The following TUSC3 variants were observed in gnomAD, a reference collection of about 807,000 sequenced individuals.
TUSC3 encodes the protein dolichyl-diphosphooligosaccharide--protein glycosyltransferase subunit TUSC3.
A neutral mutation model predicts 44.8 loss-of-function variants in TUSC3; 45 were observed. The observed-to-expected ratio is 1.00, with a 90% CI of 0.79 to 1.29. The LOEUF is 1.29. Among genes scored for constraint, TUSC3 ranks in the 50% most tolerant of loss-of-function variants. The pLI, the probability that TUSC3 is intolerant of heterozygous loss-of-function variation, is 0.00. For missense variants in TUSC3, 519 were observed against 437.9 expected, an observed-to-expected ratio of 1.19 and a Z score of -1.65; for synonymous variants, 212 against 152.9, an observed-to-expected ratio of 1.39 and a Z score of -2.85.
chr8:15,432,167 G>T (rs1799880838), intron 1 of TUSC3, among the ~76,000 whole-genome samples: 1 of 152,036 alleles, frequency 6.6e-6, no homozygotes, highest in Non-Finnish European at 1.5e-5. Flanking sequence ...TCATCTGGAA[G>T]AGTTGAGAAA....
At chr8:15,433,152 T>C (rs1253975548) in intron 1 of TUSC3, among the ~76,000 whole-genome samples, 3 of 152,156 alleles carry the variant, frequency 2.0e-5, no homozygotes, top group Non-Finnish European at 4.4e-5. Context: ...ATTTTTATTA[T>C]AATTTTTTAA....
intron 1 of TUSC3, among the ~76,000 whole-genome samples, chr8:15,437,063 T>C (rs1270539140): frequency 6.6e-6 from 1 of 152,088 alleles, no homozygotes; most frequent in Non-Finnish European, 1.5e-5. Flanking sequence ...TACTTAAAAG[T>C]TTAAAGGAAA....
chr8:15,635,752 A>G (rs907841628), intron 2 of TUSC3, among the ~76,000 whole-genome samples: 3 of 152,174 alleles, frequency 2.0e-5, no homozygotes, highest in Admixed American at 6.5e-5. Flanking sequence ...CCAATGTTTG[A>G]TAAGAGTCTC....
chr8:15,801,261 G>A, the TUSC3 span, among the ~76,000 whole-genome samples: 6 of 152,128 alleles, frequency 3.9e-5, no homozygotes, highest in African/African-American at 1.4e-4. Context: ...CATGGCATTT[G>A]TAATGGATAC....
chr8:15,581,971 C>T lies in TUSC3; in HGVS notation c.139-41109C>T, dbSNP rs540581911. 1.7e-3 allele frequency among the ~76,000 whole-genome samples: 252 copies of T among 151,268 alleles called. 3 individuals are homozygous for T. The highest frequency in any genetic ancestry group is 3.4e-3 in the African/African-American group (140 of 40,750). The stretch of plus-strand genomic sequence containing the variant: ...CTAGCAGTCAGCGAGATTCCGTGGG[C>T]GTAGGACCCTCTGAGCCAGGTGTGG... On this transcript the variant is annotated intron_variant, in intron 1 of 10. Transcript: ENST00000503731.
chr8:15,690,212 G>C (rs1269785990), intron 6 of TUSC3, among the ~76,000 whole-genome samples: 1 of 152,044 alleles, frequency 6.6e-6, no homozygotes, highest in Admixed American at 6.6e-5. Context: ...CATTCTGATT[G>C]GTGTGAGGTA....
At chr8:15,440,088 A>G (rs191638590) in intron 1 of TUSC3, among the ~76,000 whole-genome samples, 23 of 152,306 alleles carry the variant, frequency 1.5e-4, no homozygotes, top group Admixed American at 1.2e-3. Context: ...ATGTGTAACT[A>G]CAAGCTGAGA....
intron 3 of TUSC3, chr8:15,651,128 G>T: frequency 6.5e-6 from 2 of 309,972 alleles, no homozygotes; most frequent in South Asian, 3.4e-5. Flanking sequence ...CATTGTACAG[G>T]TTTTTGCCAT....
chr8:15,795,465 T>C, the TUSC3 span, among the ~76,000 whole-genome samples: 3 of 152,182 alleles, frequency 2.0e-5, no homozygotes, highest in African/African-American at 7.2e-5. Context: ...TGCCCACACG[T>C]TGCACATTAA....
intron 1 of TUSC3, among the ~76,000 whole-genome samples, chr8:15,467,429 G>A (rs949902206): frequency 6.6e-6 from 1 of 152,096 alleles, no homozygotes; most frequent in South Asian, 2.1e-4. Context: ...ATCAATTGCA[G>A]TAAATTATAC....
intron 10 of TUSC3, among the ~76,000 whole-genome samples, chr8:15,762,505 T>C (rs1812202498): frequency 6.6e-6 from 1 of 152,084 alleles, no homozygotes; most frequent in African/African-American, 2.4e-5. Flanking sequence ...TTAGAAGGTA[T>C]AAAATTACCA....
At chr8:15,784,036 A>G in the TUSC3 span, among the ~76,000 whole-genome samples, 11 of 152,318 alleles carry the variant, frequency 7.2e-5, no homozygotes, top group African/African-American at 2.6e-4. Flanking sequence ...AAAAATGGGC[A>G]ATGGACCCGA....
chr8:15,838,340 T>G, the TUSC3 span, among the ~76,000 whole-genome samples: 1 of 152,154 alleles, frequency 6.6e-6, no homozygotes, highest in Non-Finnish European at 1.5e-5. Flanking sequence ...CCCAAATACT[T>G]TGTCATTCAG....
the TUSC3 span, among the ~76,000 whole-genome samples, chr8:15,805,835 T>G: frequency 6.6e-6 from 1 of 152,118 alleles, no homozygotes; most frequent in East Asian, 1.9e-4. Flanking sequence ...TAGAATGAGT[T>G]AGGGAGGAGT....
At chr8:15,512,927 T>G (rs1416903623) in intron 2 of TUSC3, among the ~76,000 whole-genome samples, 5 of 44,584 alleles carry the variant, frequency 1.1e-4, no homozygotes, top group Non-Finnish European at 2.1e-4. Flanking sequence ...TCTATATATA[T>G]AATCATATAT....
chr8:15,841,264 A>G, the TUSC3 span, among the ~76,000 whole-genome samples: 1 of 152,230 alleles, frequency 6.6e-6, no homozygotes, highest in African/African-American at 2.4e-5. Context: ...CTAAAGGTTG[A>G]GTAGACTAGG....
chr8:15,785,513 T>C, the TUSC3 span, among the ~76,000 whole-genome samples: 1 of 151,922 alleles, frequency 6.6e-6, no homozygotes, highest in African/African-American at 2.4e-5. Context: ...ATCCTGACCT[T>C]CTTTGGAAAA....
At chr8:15,441,021 T>G (rs948410063) in intron 1 of TUSC3, among the ~76,000 whole-genome samples, 2 of 152,222 alleles carry the variant, frequency 1.3e-5, no homozygotes, top group African/African-American at 4.8e-5. Flanking sequence ...GCCTAATAGA[T>G]TCTCCATTTT....
At chr8:15,628,068 T>C (rs185590327) in intron 2 of TUSC3, among the ~76,000 whole-genome samples, 212 of 152,298 alleles carry the variant, frequency 1.4e-3, no homozygotes, top group Non-Finnish European at 2.1e-3. Flanking sequence ...TTTTGGTATA[T>C]CAGTTCGTTT....
Sources: gnomAD v4.1 joint callset for allele counts (sites outside exome capture counted in the v4.1 genomes callset) on GRCh38, gnomAD v4.1.1 for gene constraint, MANE v1.5 for transcripts, NCBI Gene and HGNC (gene_info 2026-07-23, HGNC 2026-07-21) for gene names.